The following PRKD1 variants were observed in gnomAD, a reference collection of about 807,000 sequenced individuals.
PRKD1 encodes the protein serine/threonine-protein kinase D1.
In PRKD1, 63 loss-of-function variants were observed where a neutral mutation model predicts 95.9. The ratio of observed to expected loss-of-function variants is 0.66; its 90% CI spans 0.54 to 0.81. PRKD1 has a LOEUF of 0.81. Among genes scored for constraint, PRKD1 ranks in the 30% least tolerant of loss-of-function variants. The pLI, the probability that PRKD1 is intolerant of heterozygous loss-of-function variation, is 0.00. For synonymous variants in PRKD1, 425 were observed against 423.1 expected, an observed-to-expected ratio of 1.00 and a Z score of -0.05; for missense variants, 1,048 against 1,165.3, an observed-to-expected ratio of 0.90 and a Z score of 1.47.
chr14:29,683,910 T>C (rs1883690430), intron 2 of PRKD1, among the ~76,000 whole-genome samples: 1 of 152,246 alleles, frequency 6.6e-6, no homozygotes, highest in Non-Finnish European at 1.5e-5. Flanking sequence ...GGACATAGTG[T>C]TATAAATATG....
At chr14:29,823,005 G>A (rs116902698) in intron 1 of PRKD1, among the ~76,000 whole-genome samples, 310 of 152,246 alleles carry the variant, frequency 2.0e-3, no homozygotes, top group Non-Finnish European at 3.9e-3. Flanking sequence ...AATGCAGCCA[G>A]GTTTAAAAGT....
chr14:29,737,269 C>T (rs2139425168), intron 1 of PRKD1, among the ~76,000 whole-genome samples: 1 of 133,602 alleles, frequency 7.5e-6, no homozygotes, highest in African/African-American at 2.8e-5. Context: ...TTGCAGTGAG[C>T]CGAGATTGCG....
intron 1 of PRKD1, among the ~76,000 whole-genome samples, chr14:29,776,763 AC>A (rs1888778375): frequency 6.6e-6 from 1 of 152,192 alleles, no homozygotes. Context: ...AGCAAGGCAC[AC>A]CAACATTCAA....
intron 1 of PRKD1, among the ~76,000 whole-genome samples, chr14:29,771,286 G>A (rs1888497275): frequency 6.6e-6 from 1 of 152,076 alleles, no homozygotes; most frequent in African/African-American, 2.4e-5. Context: ...GAGAGCACTG[G>A]GCTGCCCCTC....
intron 1 of PRKD1, among the ~76,000 whole-genome samples, chr14:29,744,959 A>C (rs534875991): frequency 6.6e-6 from 1 of 152,076 alleles, no homozygotes; most frequent in Non-Finnish European, 1.5e-5. Context: ...AAACTATTAC[A>C]TCGCCACCTC....
chr14:29,857,584 G>A (rs1007822225), intron 1 of PRKD1, among the ~76,000 whole-genome samples: 5 of 152,174 alleles, frequency 3.3e-5, no homozygotes, highest in Admixed American at 6.5e-5. Flanking sequence ...GTCCTCTTCA[G>A]AAAATGCAAA....
chr14:29,902,078 A>C (rs1416039046), intron 1 of PRKD1, among the ~76,000 whole-genome samples: 1 of 152,160 alleles, frequency 6.6e-6, no homozygotes, highest in Non-Finnish European at 1.5e-5. Flanking sequence ...GTCTTGGAGC[A>C]AAATGCATGG....
chr14:29,743,270 G>A (rs527687548), intron 1 of PRKD1, among the ~76,000 whole-genome samples: 4 of 152,206 alleles, frequency 2.6e-5, no homozygotes, highest in East Asian at 3.9e-4. Flanking sequence ...AACTGGGAGC[G>A]CAGAAGAGGC....
chr14:29,920,587 TACACAC>T (rs5807556), intron 1 of PRKD1, among the ~76,000 whole-genome samples: 97 of 141,376 alleles, frequency 6.9e-4, no homozygotes, highest in Middle Eastern at 7.0e-3. Context: ...TCCAGTCTAA[TACACAC>T]ACACACACAC....
intron 1 of PRKD1, among the ~76,000 whole-genome samples, chr14:29,827,618 T>C (rs1891248682): frequency 6.6e-6 from 1 of 152,150 alleles, no homozygotes; most frequent in African/African-American, 2.4e-5. Flanking sequence ...GAATCAAAAT[T>C]CTTATTTTAA....
intron 2 of PRKD1, among the ~76,000 whole-genome samples, chr14:29,695,402 G>C (rs1276498764): frequency 6.6e-6 from 1 of 152,208 alleles, no homozygotes; most frequent in Admixed American, 6.5e-5. Flanking sequence ...AGAGGCAGGT[G>C]AAAGTTGATG....
At chr14:29,866,387 G>T (rs1332000795) in intron 1 of PRKD1, among the ~76,000 whole-genome samples, 1 of 152,130 alleles carries the variant, frequency 6.6e-6, no homozygotes, top group African/African-American at 2.4e-5. Flanking sequence ...TTATTTAGCA[G>T]CTATACATGA....
intron 1 of PRKD1, among the ~76,000 whole-genome samples, chr14:29,773,627 T>C (rs1888608178): frequency 6.6e-6 from 1 of 152,146 alleles, no homozygotes; most frequent in Admixed American, 6.5e-5. Context: ...TATAAATATA[T>C]AATCTCATAC....
intron 1 of PRKD1, among the ~76,000 whole-genome samples, chr14:29,855,680 T>A (rs535692238): frequency 1.3e-5 from 2 of 152,170 alleles, no homozygotes; most frequent in African/African-American, 4.8e-5. Context: ...CCAACTCTCA[T>A]CTTGTAGCTC....
intron 1 of PRKD1, among the ~76,000 whole-genome samples, chr14:29,728,441 T>G (rs895533442): frequency 2.6e-5 from 4 of 152,164 alleles, no homozygotes; most frequent in African/African-American, 9.7e-5. Flanking sequence ...TAACCAACAA[T>G]GTTAACCTCA....
At chr14:29,776,563 A>G (rs1888766833) in intron 1 of PRKD1, among the ~76,000 whole-genome samples, 1 of 152,226 alleles carries the variant, frequency 6.6e-6, no homozygotes, top group African/African-American at 2.4e-5. Flanking sequence ...AGATCAAATT[A>G]ATGAAATGAA....
At position 29,634,460 on chromosome 14, in the gene PRKD1, C is replaced by G. The variant is rs1434071220; in HGVS notation, c.1272G>C (p.Met424Ile). 6.2e-7 allele frequency: 1 copy of G among 1,614,004 alleles called. No individual in the cohort carries two copies. Among genetic ancestry groups the G allele is most frequent in the African/African-American group, 1.3e-5 (1 of 74,920 alleles). The part of the protein sequence containing the change: ...KHTKRKSSTV[M>I]KEGWMVHYTS... Reference sequence around the variant, plus strand: ...TGTAGTGGACCATCCATCCTTCTTTCATGACTGTGCTGCTTTTCCTCTTCG... The same window carrying G: ...TGTAGTGGACCATCCATCCTTCTTTGATGACTGTGCTGCTTTTCCTCTTCG... The change falls in exon 8 of 18, where the codon ATG becomes ATC. Residue 424 changes from methionine (M) to isoleucine (I), a missense_variant. Transcript: ENST00000331968.
In PRKD1 at chr14:29,609,720, T is replaced by TA. The variant is rs564843705; in HGVS notation, c.1906-9904_1906-9903insT. The stretch of plus-strand genomic sequence containing the variant: ...CACGCCCAGCTATTTCTTTATTTTT[T>TA]TTTTTTTTTTGTACTTTTAGTAGAG... On this transcript the variant is annotated intron_variant, in intron 13 of 17. Transcript: ENST00000331968. Among the ~76,000 whole-genome samples, 219 of 147,874 alleles carry TA rather than the reference T, an allele frequency of 1.5e-3. 2 individuals are homozygous for TA. Among genetic ancestry groups the TA allele is most frequent in the African/African-American group, 4.3e-3 (174 of 40,246 alleles).
At chr14:29,826,746 CAT>C (rs200692321) in intron 1 of PRKD1, among the ~76,000 whole-genome samples, 3,926 of 48,918 alleles carry the variant, frequency 0.08, 957 homozygotes, top group African/African-American at 0.19. Context: ...TATATATACA[CAT>C]ATATATATAC....
Sources: gnomAD v4.1 joint callset for allele counts (sites outside exome capture counted in the v4.1 genomes callset) on GRCh38, gnomAD v4.1.1 for gene constraint, MANE v1.5 for transcripts, NCBI Gene and HGNC (gene_info 2026-07-23, HGNC 2026-07-21) for gene names.